Variants in AGBL1 observed in about 807,000 individuals in gnomAD.
The protein encoded by AGBL1 is AGBL carboxypeptidase 1, also known as cytosolic carboxypeptidase 4.
A neutral mutation model predicts 118.9 loss-of-function variants in AGBL1; 130 were observed. The observed-to-expected ratio is 1.09, with a 90% CI of 0.95 to 1.26. The LOEUF (loss-of-function observed/expected upper bound fraction) is 1.26. Among genes scored for constraint, AGBL1 ranks in the 50% most tolerant of loss-of-function variants. The probability of loss-of-function intolerance (pLI) is 0.00; values close to 1 mark genes in which losing one functional copy is unlikely to be tolerated. For synonymous variants in AGBL1, 555 were observed against 478.9 expected (o/e 1.16, Z -2.08); for missense variants, 1,584 against 1,298.1 (o/e 1.22, Z -3.38).
In AGBL1 at chr15:87,012,251, C is replaced by A. The variant is rs536438409; in HGVS notation, c.3324-16574C>A. 5.9e-4 allele frequency among the ~76,000 whole-genome samples: 80 copies of A among 135,258 alleles called. No homozygotes were observed. In the South Asian group the frequency reaches 0.019, roughly 31 times the overall value. 88.7% of individuals were successfully genotyped at this position (135,258 alleles called of 152,430 possible). Reference sequence around the variant, plus strand: ...CACGCTTGCATATCTGCTCATTATTCAGCCCAAGCTAGGTTAAAAAAAAAA... The same window carrying A: ...CACGCTTGCATATCTGCTCATTATTAAGCCCAAGCTAGGTTAAAAAAAAAA... On this transcript the variant is annotated intron_variant, in intron 24 of 24. Coordinates refer to the AGBL1 transcript ENST00000441037.
intron 22 of AGBL1, among the ~76,000 whole-genome samples, chr15:86,904,265 A>G (rs1408670518): frequency 6.6e-6 from 1 of 151,892 alleles, no homozygotes; most frequent in Non-Finnish European, 1.5e-5. Flanking sequence ...TGCCAACTCC[A>G]CCTGCTAGTC....
intron 18 of AGBL1, among the ~76,000 whole-genome samples, chr15:86,444,170 C>T (rs570997346): frequency 7.5e-4 from 114 of 152,232 alleles, no homozygotes; most frequent in Admixed American, 1.3e-3. Context: ...GATGATATCT[C>T]ACTGTTTTGA....
chr15:86,562,033 A>G (rs1417000299), intron 21 of AGBL1, among the ~76,000 whole-genome samples: 1 of 152,222 alleles, frequency 6.6e-6, no homozygotes, highest in African/African-American at 2.4e-5. Context: ...GAAGTTGCTT[A>G]TCAGGTTAAG....
intron 18 of AGBL1, among the ~76,000 whole-genome samples, chr15:86,469,810 G>C (rs2082455666): frequency 6.6e-6 from 1 of 152,014 alleles, no homozygotes; most frequent in Non-Finnish European, 1.5e-5. Flanking sequence ...ATTTTAACTT[G>C]CGTTTCCCAG....
chr15:86,679,073 T>C (rs2085901730), intron 22 of AGBL1, among the ~76,000 whole-genome samples: 1 of 152,072 alleles, frequency 6.6e-6, no homozygotes, highest in Non-Finnish European at 1.5e-5. Context: ...TCTTCTTTAT[T>C]TTCACTGATG....
intron 22 of AGBL1, among the ~76,000 whole-genome samples, chr15:86,693,092 G>A (rs951920015): frequency 2.6e-5 from 4 of 151,896 alleles, no homozygotes; most frequent in Admixed American, 6.6e-5. Context: ...TATCTTTTTC[G>A]TATAATGACT....
At chr15:86,662,133 G>T (rs1044819021) in intron 21 of AGBL1, among the ~76,000 whole-genome samples, 1 of 152,146 alleles carries the variant, frequency 6.6e-6, no homozygotes, top group African/African-American at 2.4e-5. Context: ...GCTGGAAAAA[G>T]AGAAGCAAAA....
Position 86,286,266 on chromosome 15 carries a change from A to G in AGBL1, c.2220+6483A>G, listed in dbSNP as rs553814111. On this transcript the variant is annotated intron_variant, in intron 16 of 22. Coordinates refer to ENST00000614907, the MANE Select transcript of AGBL1 (RefSeq NM_001386094.1). ...GTTGCAGATCGATCAAACCAGACCAATAAACGTATCTATCACCTCACATAT... is the reference window on the plus strand; with the variant it reads ...GTTGCAGATCGATCAAACCAGACCAGTAAACGTATCTATCACCTCACATAT... Among the ~76,000 whole-genome samples the G allele has an allele frequency of 2.6e-5, 4 of 152,258 alleles. No individual in the cohort carries two copies. In the East Asian group the frequency reaches 7.7e-4, roughly 29 times the overall value.
At chr15:86,806,217 A>G (rs975411354) in intron 22 of AGBL1, among the ~76,000 whole-genome samples, 2 of 152,150 alleles carry the variant, frequency 1.3e-5, no homozygotes, top group Admixed American at 6.5e-5. Context: ...TGATGAGGAC[A>G]TAGACATACT....
intron 22 of AGBL1, among the ~76,000 whole-genome samples, chr15:86,785,380 T>G (rs574080215): frequency 8.3e-5 from 10 of 120,790 alleles, no homozygotes; most frequent in Non-Finnish European, 1.5e-4. Flanking sequence ...TTTTTTTTTG[T>G]TTTTGTTTTT....
chr15:86,827,938 CTTTTTT>C (rs71144074), intron 22 of AGBL1, among the ~76,000 whole-genome samples: 2 of 16,762 alleles, frequency 1.2e-4, no homozygotes, highest in African/African-American at 2.0e-4. Flanking sequence ...TGATGTAGGG[CTTTTTT>C]TTTTTTTTTT....
At chr15:87,011,776 G>A (rs1336263880) in intron 24 of AGBL1, among the ~76,000 whole-genome samples, 1 of 152,180 alleles carries the variant, frequency 6.6e-6, no homozygotes, top group Non-Finnish European at 1.5e-5. Context: ...ATTTAAACTT[G>A]CAACATTGGC....
At chr15:86,080,631 A>G (rs1030303157) in intron 1 of AGBL1, among the ~76,000 whole-genome samples, 1 of 152,222 alleles carries the variant, frequency 6.6e-6, no homozygotes, top group Non-Finnish European at 1.5e-5. Context: ...TTCTTGTTCT[A>G]CAGCAGTGGT....
chr15:86,266,419 T>C lies in AGBL1; in HGVS notation c.1713T>C (p.Asp571=), dbSNP rs751590251. 4 of 1,578,948 alleles carry C rather than the reference T, an allele frequency of 2.5e-6. No homozygotes were observed. The highest frequency in any genetic ancestry group is 3.4e-6 in the Non-Finnish European group (4 of 1,160,508). The part of the protein sequence containing the change: ...EDIRRLIQPS[D]VINKVVFSLD... ...TTCGGAGGCTCATCCAGCCAAGTGA[T>C]GTTATAAATAAAGTTGTCTTCAGTT... The change falls in exon 12 of 23, where the codon GAT becomes GAC. Residue 571 remains aspartate, a synonymous_variant. Transcript: ENST00000614907.
At chr15:86,744,811 T>A (rs962056322) in intron 22 of AGBL1, among the ~76,000 whole-genome samples, 3 of 152,194 alleles carry the variant, frequency 2.0e-5, no homozygotes, top group Admixed American at 6.6e-5. Context: ...ATGGGTTGTT[T>A]GTCTTTGCCT....
rs572007879 is a variant in AGBL1 at position 86,427,091 on chromosome 15, G to A, written c.2555+29545G>A. Among the ~76,000 whole-genome samples the A allele has an allele frequency of 6.0e-4, 91 of 152,160 alleles. 2 individuals carry two copies. The South Asian group carries it at 0.017, about 29-fold the overall frequency. On this transcript the variant is annotated intron_variant, in intron 18 of 22. Transcript: ENST00000614907. ...TTGTTTTATTTAATTTGAGTCAAATGGAGATCACCTAAAGAAAAAAAAATT... is the reference window on the plus strand; with the variant it reads ...TTGTTTTATTTAATTTGAGTCAAATAGAGATCACCTAAAGAAAAAAAAATT...
chr15:86,725,660 G>A (rs946161170), intron 22 of AGBL1, among the ~76,000 whole-genome samples: 10 of 152,158 alleles, frequency 6.6e-5, no homozygotes, highest in African/African-American at 2.4e-4. Context: ...GTAAAGTAGG[G>A]TTTCTTTCTA....
At chr15:86,256,813 C>A in intron 7 of AGBL1, 40 bp from the exon 8 acceptor site, 1 of 1,603,728 alleles carries the variant, frequency 6.2e-7, no homozygotes, top group Non-Finnish European at 8.5e-7. Context: ...GGGGACTGTG[C>A]CCAGATGTTG....
chr15:86,363,237 T>C (rs1459742684), intron 17 of AGBL1, among the ~76,000 whole-genome samples: 1 of 152,108 alleles, frequency 6.6e-6, no homozygotes, highest in African/African-American at 2.4e-5. Flanking sequence ...GCCAGATCAA[T>C]TTTTGTGTGG....
Sources: allele counts gnomAD v4.1 joint callset (sites outside exome capture counted in the v4.1 genomes callset), GRCh38; gene constraint gnomAD v4.1.1; transcripts MANE v1.5; gene names NCBI Gene and HGNC (gene_info 2026-07-23, HGNC 2026-07-21).